GPAT3: variants seen among roughly 807,000 people sequenced by gnomAD.
GPAT3 encodes 1-AGP acyltransferase 9.
Under a neutral mutation model 58.8 loss-of-function variants are expected in GPAT3, and 53 were observed. The observed-to-expected ratio is 0.90, with a 90% CI of 0.72 to 1.13. The LOEUF is 1.13. Among genes scored for constraint, GPAT3 ranks in the 50% most tolerant of loss-of-function variants. The pLI is 0.00. For missense variants in GPAT3, 511 were observed against 527.6 expected (o/e 0.97, Z 0.31); for synonymous variants, 197 against 187.4 (o/e 1.05, Z -0.42).
chr4:83,599,734 T>C (rs1406680559), intron 11 of GPAT3, among the ~76,000 whole-genome samples: 1 of 152,224 alleles, frequency 6.6e-6, no homozygotes, highest in African/African-American at 2.4e-5. Flanking sequence ...AGATTGAATA[T>C]AGGTGAATGT....
chr4:83,582,440 A>G (rs1331965712), intron 3 of GPAT3, among the ~76,000 whole-genome samples: 1 of 152,198 alleles, frequency 6.6e-6, no homozygotes, highest in Non-Finnish European at 1.5e-5. Flanking sequence ...TAGTTTATGG[A>G]AAGCACGATG....
chr4:83,562,193 A>ATATATAATATATATATATTATATATAT (rs1725164926), intron 2 of GPAT3, among the ~76,000 whole-genome samples: 1 of 47,984 alleles, frequency 2.1e-5, no homozygotes, highest in African/African-American at 7.9e-5. Context: ...ATATATATAT[A>ATATATAATATATATATATTATATATAT]TATATAATAT....
chr4:83,556,342 C>CA (rs1387125832), intron 2 of GPAT3, among the ~76,000 whole-genome samples: 1 of 151,754 alleles, frequency 6.6e-6, no homozygotes, highest in African/African-American at 2.4e-5. Context: ...GACTAAAATA[C>CA]AAAAAAATAG....
intron 2 of GPAT3, among the ~76,000 whole-genome samples, chr4:83,576,916 C>T (rs1285712926): frequency 1.3e-5 from 2 of 152,068 alleles, no homozygotes; most frequent in African/African-American, 4.8e-5. Flanking sequence ...TTTATAGATG[C>T]TTGTACATAA....
chr4:83,539,313 G>A (rs1476821566), intron 1 of GPAT3, among the ~76,000 whole-genome samples: 1 of 152,178 alleles, frequency 6.6e-6, no homozygotes, highest in Non-Finnish European at 1.5e-5. Flanking sequence ...AATTGATTTA[G>A]TTGTATTTTT....
intron 1 of GPAT3, among the ~76,000 whole-genome samples, chr4:83,538,997 G>T (rs1371441545): frequency 6.6e-6 from 1 of 152,200 alleles, no homozygotes; most frequent in African/African-American, 2.4e-5. Context: ...GAACTCCTAT[G>T]TTTGGGAGCA....
intron 2 of GPAT3, among the ~76,000 whole-genome samples, chr4:83,568,024 A>T (rs1725468104): frequency 6.6e-6 from 1 of 150,658 alleles, no homozygotes; most frequent in African/African-American, 2.4e-5. Context: ...GATTTTTATG[A>T]TTTTCTGTTT....
chr4:83,562,730 A>G (rs935287422), intron 2 of GPAT3, among the ~76,000 whole-genome samples: 1 of 152,024 alleles, frequency 6.6e-6, no homozygotes, highest in African/African-American at 2.4e-5. Flanking sequence ...AATGAACAAG[A>G]CAAAGATCAA....
intron 11 of GPAT3, among the ~76,000 whole-genome samples, chr4:83,600,980 T>G (rs1727034917): frequency 6.6e-6 from 1 of 152,184 alleles, no homozygotes; most frequent in South Asian, 2.1e-4. Context: ...GGAGCAGGAT[T>G]TGGCCAACTG....
chr4:83,546,769 T>C (rs972321323), intron 2 of GPAT3, among the ~76,000 whole-genome samples: 2 of 152,128 alleles, frequency 1.3e-5, no homozygotes, highest in Non-Finnish European at 2.9e-5. Flanking sequence ...AATACTGAAA[T>C]AGGTGCATAA....
intron 4 of GPAT3, 33 bp from the exon 5 acceptor site, chr4:83,588,176 GA>G (rs1726456514): frequency 6.3e-7 from 1 of 1,589,644 alleles, no homozygotes; most frequent in South Asian, 1.1e-5. Context: ...AGAGTGCCCA[GA>G]ATGGCACAAT....
intron 3 of GPAT3, among the ~76,000 whole-genome samples, chr4:83,585,217 A>G (rs1161332728): frequency 6.6e-6 from 1 of 151,932 alleles, no homozygotes; most frequent in African/African-American, 2.4e-5. Context: ...CTTATTTATC[A>G]AGGTATTTAT....
intron 3 of GPAT3, among the ~76,000 whole-genome samples, chr4:83,583,287 C>T (rs886560805): frequency 6.0e-5 from 9 of 149,512 alleles, no homozygotes; most frequent in South Asian, 2.1e-4. Flanking sequence ...AGCGAGACTG[C>T]GTATCCAAAA....
chr4:83,571,455 A>T (rs1255418749), intron 2 of GPAT3, among the ~76,000 whole-genome samples: 1 of 151,990 alleles, frequency 6.6e-6, no homozygotes, highest in Non-Finnish European at 1.5e-5. Flanking sequence ...AATTTTAGCC[A>T]TTTTTGTGGG....
chr4:83,604,385 A>G (rs756664784), intron 11 of GPAT3, among the ~76,000 whole-genome samples: 14 of 152,278 alleles, frequency 9.2e-5, no homozygotes, highest in South Asian at 2.1e-4. Flanking sequence ...CAAATATTTA[A>G]TACACCACCC....
chr4:83,583,545 G>A (rs1302821832), intron 3 of GPAT3, among the ~76,000 whole-genome samples: 2 of 151,474 alleles, frequency 1.3e-5, no homozygotes, highest in African/African-American at 4.8e-5. Flanking sequence ...ATACGCACTT[G>A]TAGTCCCAGC....
At chr4:83,595,653 G>T (rs1726794881) in intron 7 of GPAT3, among the ~76,000 whole-genome samples, 1 of 152,092 alleles carries the variant, frequency 6.6e-6, no homozygotes, top group Non-Finnish European at 1.5e-5. Flanking sequence ...GGTTGAGGCT[G>T]CAGTGAGCTG....
intron 1 of GPAT3, among the ~76,000 whole-genome samples, chr4:83,538,446 T>C (rs1425089119): frequency 6.6e-6 from 1 of 152,252 alleles, no homozygotes; most frequent in Non-Finnish European, 1.5e-5. Flanking sequence ...CAGAATCCTC[T>C]CCCATAGCAG....
At chr4:83,567,127 C>T (rs1725427069) in intron 2 of GPAT3, among the ~76,000 whole-genome samples, 1 of 151,850 alleles carries the variant, frequency 6.6e-6, no homozygotes, top group African/African-American at 2.4e-5. Context: ...CATTTTATTT[C>T]TTTCCTAGTT....
Sources: gnomAD v4.1 joint callset for allele counts (sites outside exome capture counted in the v4.1 genomes callset) on GRCh38, gnomAD v4.1.1 for gene constraint, MANE v1.5 for transcripts, NCBI Gene and HGNC (gene_info 2026-07-23, HGNC 2026-07-21) for gene names.